The following MAPK4 variants were observed in gnomAD, a reference collection of about 807,000 sequenced individuals.
MAPK4 encodes mitogen-activated protein kinase 4.
In MAPK4, 22 loss-of-function variants were observed where a neutral mutation model predicts 47.7. The observed-to-expected ratio is 0.46, with a 90% CI of 0.33 to 0.66. The LOEUF is 0.66. MAPK4 is among the 30% of genes least tolerant of loss of function. MAPK4 has a pLI of 0.02. For synonymous variants in MAPK4, 390 were observed against 365.7 expected (o/e 1.07, Z -0.76); for missense variants, 736 against 831.7 (o/e 0.88, Z 1.42).
chr18:50,726,116 C>T lies in MAPK4; in HGVS notation c.1008C>T (p.Asp336=). 1 of 1,614,210 alleles carries T rather than the reference C, an allele frequency of 6.2e-7. No homozygotes were observed. The highest frequency in any genetic ancestry group is 8.5e-7 in the Non-Finnish European group (1 of 1,180,044). ...HPFRIEDEID[D]IVLMAANQSQ... ...TCCGCATTGAGGATGAGATCGACGACATCGTGCTGATGGCCGCTAACCAGA... is the reference window on the plus strand; with the variant it reads ...TCCGCATTGAGGATGAGATCGACGATATCGTGCTGATGGCCGCTAACCAGA... Residue 336 remains aspartate, a synonymous_variant, in exon 5 of 6, where the codon GAC becomes GAT. Transcript: ENST00000400384.
intron 1 of MAPK4, among the ~76,000 whole-genome samples, chr18:50,588,920 A>T (rs928368577): frequency 6.6e-6 from 1 of 152,216 alleles, no homozygotes; most frequent in African/African-American, 2.4e-5. Flanking sequence ...AACTGTTGGC[A>T]GCCATGTTAG....
At chr18:50,726,273 T>A in intron 5 of MAPK4, 98 bp downstream of exon 5, 1 of 1,175,556 alleles carries the variant, frequency 8.5e-7, no homozygotes, top group South Asian at 1.3e-5. Context: ...TCTCCCAAGT[T>A]GCATAGCTCA....
intron 2 of MAPK4, among the ~76,000 whole-genome samples, chr18:50,711,683 A>G (rs757513171): frequency 6.6e-6 from 1 of 152,244 alleles, no homozygotes; most frequent in Non-Finnish European, 1.5e-5. Context: ...GTTCCTCTCT[A>G]CATCCAAAAG....
intron 1 of MAPK4, among the ~76,000 whole-genome samples, chr18:50,642,246 A>G (rs1221526719): frequency 6.6e-6 from 1 of 152,170 alleles, no homozygotes; most frequent in Non-Finnish European, 1.5e-5. Context: ...TGTCAGTTGA[A>G]ATGTATTATT....
intron 1 of MAPK4, among the ~76,000 whole-genome samples, chr18:50,587,317 G>A (rs1046669700): frequency 6.6e-6 from 1 of 152,204 alleles, no homozygotes; most frequent in African/African-American, 2.4e-5. Context: ...GCTAGAACAT[G>A]CCATCTGCAA....
chr18:50,569,781 G>A (rs1181302706), intron 1 of MAPK4, among the ~76,000 whole-genome samples: 1 of 152,232 alleles, frequency 6.6e-6, no homozygotes, highest in Non-Finnish European at 1.5e-5. Context: ...ATGTAAAGCG[G>A]TTTACCAGGC....
rs188972571 is a variant in MAPK4 at position 50,609,811 on chromosome 18, T to A, written c.-871+49568T>A. On this transcript the variant is annotated intron_variant, in intron 1 of 5. Transcript: ENST00000400384. ...GGCCCACTTGTTTGCTATGCTGTAC[T>A]CTCTTTGGTCATATTGGTCTGTAGA... 2.0e-5 allele frequency among the ~76,000 whole-genome samples: 3 copies of A among 152,220 alleles called. No individual in the cohort carries two copies. The East Asian group carries it at 5.8e-4, about 30-fold the overall frequency.
intron 5 of MAPK4, among the ~76,000 whole-genome samples, chr18:50,726,635 T>C (rs1911215583): frequency 6.6e-6 from 1 of 152,184 alleles, no homozygotes; most frequent in Non-Finnish European, 1.5e-5. Flanking sequence ...CGGTGGCTCA[T>C]ATCTGTAATC....
intron 1 of MAPK4, among the ~76,000 whole-genome samples, chr18:50,588,502 C>A (rs1234055193): frequency 6.6e-6 from 1 of 152,202 alleles, no homozygotes; most frequent in Non-Finnish European, 1.5e-5. Flanking sequence ...TTGGTCAAAG[C>A]AATTAACAAG....
intron 2 of MAPK4, among the ~76,000 whole-genome samples, chr18:50,695,733 T>A (rs1182894787): frequency 6.6e-6 from 1 of 152,030 alleles, no homozygotes; most frequent in Non-Finnish European, 1.5e-5. Flanking sequence ...ACCTGAGAAA[T>A]AAGGCTGCAG....
chr18:50,726,337 C>T (rs1219671528), intron 5 of MAPK4, among the ~76,000 whole-genome samples, 162 bp downstream of exon 5: 6 of 152,072 alleles, frequency 3.9e-5, no homozygotes, highest in Non-Finnish European at 7.4e-5. Context: ...CCAGACACTA[C>T]CAGTAAATGA....
chr18:50,638,178 G>T (rs972262833), intron 1 of MAPK4, among the ~76,000 whole-genome samples: 1 of 151,838 alleles, frequency 6.6e-6, no homozygotes, highest in South Asian at 2.1e-4. Flanking sequence ...TGAGCATTGG[G>T]TGGAATCTGT....
intron 1 of MAPK4, among the ~76,000 whole-genome samples, chr18:50,661,022 T>C (rs572700059): frequency 6.6e-6 from 1 of 152,346 alleles, no homozygotes; most frequent in Admixed American, 6.5e-5. Context: ...GCATTGCAGC[T>C]GATCTCAAGC....
intron 1 of MAPK4, among the ~76,000 whole-genome samples, chr18:50,642,095 G>A (rs1375824185): frequency 1.3e-5 from 2 of 152,088 alleles, no homozygotes; most frequent in East Asian, 3.9e-4. Context: ...TAAAAGTCAG[G>A]GGATTGTAAT....
At chr18:50,710,773 C>T (rs1310636717) in intron 2 of MAPK4, among the ~76,000 whole-genome samples, 1 of 143,978 alleles carries the variant, frequency 6.9e-6, no homozygotes, top group Non-Finnish European at 1.5e-5. Flanking sequence ...GAGTGAGACT[C>T]CGTCTCTAAA....
At chr18:50,634,454 T>A (rs774496044) in intron 1 of MAPK4, among the ~76,000 whole-genome samples, 31 of 152,040 alleles carry the variant, frequency 2.0e-4, no homozygotes, top group Non-Finnish European at 3.8e-4. Flanking sequence ...CGAACACGAG[T>A]AGTCTCTTAC....
intron 1 of MAPK4, among the ~76,000 whole-genome samples, chr18:50,641,578 T>C (rs1316343479): frequency 6.6e-6 from 1 of 152,214 alleles, no homozygotes; most frequent in Non-Finnish European, 1.5e-5. Context: ...AAACCCTCAA[T>C]ATGCTAATTT....
chr18:50,600,327 C>A (rs764749699), intron 1 of MAPK4, among the ~76,000 whole-genome samples: 2 of 152,186 alleles, frequency 1.3e-5, no homozygotes, highest in African/African-American at 2.4e-5. Flanking sequence ...AACCAGGCAT[C>A]TCAGGGGAAA....
chr18:50,707,887 C>A (rs996024892), intron 2 of MAPK4, among the ~76,000 whole-genome samples: 2 of 152,174 alleles, frequency 1.3e-5, no homozygotes, highest in Non-Finnish European at 2.9e-5. Flanking sequence ...CAGGATCCCC[C>A]AGAGGGTGGA....
Sources: allele counts gnomAD v4.1 joint callset (sites outside exome capture counted in the v4.1 genomes callset), GRCh38; gene constraint gnomAD v4.1.1; transcripts MANE v1.5; gene names NCBI Gene and HGNC (gene_info 2026-07-23, HGNC 2026-07-21).